The following TSHZ2 variants were observed in gnomAD, a reference collection of about 807,000 sequenced individuals.
TSHZ2 encodes teashirt zinc finger homeobox 2, also known as teashirt homolog 2.
TSHZ2 carries 21 observed loss-of-function variants against 74.4 expected under a neutral mutation model. The ratio of observed to expected loss-of-function variants is 0.28; its 90% CI spans 0.20 to 0.41. The LOEUF is 0.41. Among genes scored for constraint, TSHZ2 ranks in the 10% least tolerant of loss-of-function variants. TSHZ2 has a pLI of 1.00. For synonymous variants in TSHZ2, 540 were observed against 515.3 expected (o/e 1.05, Z -0.65); for missense variants, 1,244 against 1,293.5 (o/e 0.96, Z 0.59).
At chr20:53,049,323 C>A (rs538814123) in intron 1 of TSHZ2, among the ~76,000 whole-genome samples, 2,041 of 152,098 alleles carry the variant, frequency 0.013, 50 homozygotes, top group African/African-American at 0.041. Flanking sequence ...CTGACTGGGC[C>A]CCCAGCTCCT....
intron 1 of TSHZ2, among the ~76,000 whole-genome samples, chr20:53,097,151 AG>A (rs1986079266): frequency 6.6e-6 from 1 of 152,088 alleles, no homozygotes; most frequent in South Asian, 2.1e-4. Flanking sequence ...CCCTGGGACA[AG>A]GAGGGGGATG....
intron 1 of TSHZ2, among the ~76,000 whole-genome samples, chr20:53,027,155 T>C (rs189040420): frequency 2.6e-5 from 4 of 152,298 alleles, no homozygotes; most frequent in African/African-American, 7.2e-5. Flanking sequence ...CATCTATGAT[T>C]ATTTTCTTGG....
At chr20:53,226,536 T>C (rs1316885240) in intron 1 of TSHZ2, among the ~76,000 whole-genome samples, 1 of 152,110 alleles carries the variant, frequency 6.6e-6, no homozygotes, top group Non-Finnish European at 1.5e-5. Flanking sequence ...CTTAGCATTG[T>C]GAGTTTCACT....
chr20:53,447,497 A>T (rs1984599371), intron 2 of TSHZ2, among the ~76,000 whole-genome samples: 1 of 152,234 alleles, frequency 6.6e-6, no homozygotes, highest in Non-Finnish European at 1.5e-5. Flanking sequence ...CACAAGCAGG[A>T]AATTAACACT....
At chr20:53,304,048 T>G (rs1239063603) in intron 2 of TSHZ2, among the ~76,000 whole-genome samples, 2 of 151,962 alleles carry the variant, frequency 1.3e-5, no homozygotes, top group Non-Finnish European at 2.9e-5. Context: ...TTATTATTAT[T>G]ATTATTATAC....
intron 2 of TSHZ2, among the ~76,000 whole-genome samples, chr20:53,319,293 AT>A (rs1243868697): frequency 6.6e-6 from 1 of 152,222 alleles, no homozygotes; most frequent in Non-Finnish European, 1.5e-5. Flanking sequence ...AATGCAATAA[AT>A]ATTAGTGCTT....
chr20:53,039,249 A>G (rs931486914), intron 1 of TSHZ2, among the ~76,000 whole-genome samples: 1 of 151,646 alleles, frequency 6.6e-6, no homozygotes, highest in Non-Finnish European at 1.5e-5. Context: ...TTTGGAACCT[A>G]CCCCGATCAT....
At chr20:53,257,836 T>G (rs150427451) in intron 2 of TSHZ2, among the ~76,000 whole-genome samples, 1 of 152,216 alleles carries the variant, frequency 6.6e-6, no homozygotes, top group African/African-American at 2.4e-5. Context: ...GAAAAACTAA[T>G]AACATATAAT....
chr20:53,412,093 T>C (rs892543188), intron 2 of TSHZ2, among the ~76,000 whole-genome samples: 10 of 152,204 alleles, frequency 6.6e-5, no homozygotes, highest in Non-Finnish European at 1.3e-4. Flanking sequence ...ACTTTTCTGC[T>C]CACTCTTAGC....
At chr20:53,359,652 G>A (rs1293574123) in intron 2 of TSHZ2, among the ~76,000 whole-genome samples, 2 of 152,132 alleles carry the variant, frequency 1.3e-5, no homozygotes, top group African/African-American at 2.4e-5. Flanking sequence ...TCTGAGCAGC[G>A]GGGCCAGCAA....
chr20:53,255,812 C>T lies in TSHZ2; in HGVS notation c.2354C>T (p.Ser785Phe), dbSNP rs779866776. The T allele has an allele frequency of 6.2e-7, 1 of 1,613,602 alleles. No homozygotes were observed. The highest frequency in any genetic ancestry group is 8.5e-7 in the Non-Finnish European group (1 of 1,179,736). Residue 785 changes from serine (S) to phenylalanine (F), a missense_variant, in exon 2 of 3, where the codon TCC (serine) becomes TTC (phenylalanine). By Grantham distance (155) the Ser-to-Phe change is radical. Coordinates refer to ENST00000371497, the MANE Select transcript of TSHZ2 (RefSeq NM_173485.6). The surrounding 1 kb of genome is among the most constrained non-coding windows in gnomAD (Gnocchi z 4.1). Reference protein sequence around the residue: ...AESSQAQSCMSPPQKHALSDI... With the variant: ...AESSQAQSCMFPPQKHALSDI... ...TCCTCGCAAGCACAATCTTGTATGTCCCCACCTCAGAAGCACGCTCTGTCT... is the reference window on the plus strand; with the variant it reads ...TCCTCGCAAGCACAATCTTGTATGTTCCCACCTCAGAAGCACGCTCTGTCT...
Position 53,256,139 on chromosome 20 carries a change from C to A in TSHZ2, c.2681C>A (p.Thr894Asn), listed in dbSNP as rs751990819. The A allele has an allele frequency of 6.2e-7, 1 of 1,613,890 alleles. No homozygotes were observed. The highest frequency in any genetic ancestry group is 1.1e-5 in the South Asian group (1 of 91,036). ...TCTAAGTTTACGGGACTCTCAATGA[C>A]CACTATCAGTCACTGGCTGGCCAAC... ...QISKFTGLSM[T>N]TISHWLANVK... Residue 894 changes from threonine to asparagine, a missense_variant, in exon 2 of 3, where the codon ACC becomes AAC. Around this residue, in one of 6 missense-constraint regions of TSHZ2, gnomAD observed 185 missense variants for 213.3 expected, o/e 0.87. Transcript: ENST00000371497. The surrounding 1 kb of genome is among the most constrained non-coding windows in gnomAD (Gnocchi z 4.3).
At chr20:53,233,874 G>C (rs984770671) in intron 1 of TSHZ2, among the ~76,000 whole-genome samples, 1 of 152,102 alleles carries the variant, frequency 6.6e-6, no homozygotes, top group African/African-American at 2.4e-5. Context: ...GACATGGAAG[G>C]GTGCAATAAA....
chr20:53,204,283 C>CATTATGATATGATACTATATCATCAT (rs1989097674), intron 1 of TSHZ2, among the ~76,000 whole-genome samples: 7 of 56,728 alleles, frequency 1.2e-4, no homozygotes, highest in African/African-American at 3.5e-4. Flanking sequence ...CATCATATAA[C>CATTATGATATGATACTATATCATCAT]ATGATGATAT....
chr20:53,205,303 T>G (rs907181915), intron 1 of TSHZ2, among the ~76,000 whole-genome samples: 4 of 152,298 alleles, frequency 2.6e-5, no homozygotes, highest in Admixed American at 6.5e-5. Context: ...AGCATGCATT[T>G]CAGCCCAGAA....
At chr20:53,295,612 T>C (rs1991361709) in intron 2 of TSHZ2, among the ~76,000 whole-genome samples, 1 of 152,210 alleles carries the variant, frequency 6.6e-6, no homozygotes, top group African/African-American at 2.4e-5. Flanking sequence ...GAGGAAACTT[T>C]AATCACTAGA....
In TSHZ2 at chr20:53,475,698, C is replaced by T. The variant is rs1453569989; in HGVS notation, c.*9-11446C>T. Among the ~76,000 whole-genome samples the T allele has an allele frequency of 9.4e-5, 13 of 138,540 alleles. 1 individual carries two copies. The Admixed American group carries it at 9.4e-4, about 10-fold the overall frequency. The allele number at this position is 138,540 out of a possible 152,430, so 90.9% of individuals were successfully genotyped here. A position where few individuals can be genotyped will look rare whatever the true frequency, so the allele number is the denominator to read the frequency against. On this transcript the variant is annotated intron_variant, in intron 2 of 2. Transcript: ENST00000371497. ...GGAAATAGAGACACAAAAAACCCTT[C>T]AAAAAATTAATGAATCCAGGAGCTG...
rs187417096 is a variant in TSHZ2 at position 53,049,949 on chromosome 20, G to A, written c.40+76616G>A. 1.5e-3 allele frequency among the ~76,000 whole-genome samples: 228 copies of A among 151,564 alleles called. 1 individual carries two copies. Among genetic ancestry groups the A allele is most frequent in the African/African-American group, 5.2e-3 (216 of 41,210 alleles). ...ATACAAAAATTGGCCTGGCTTGGTG[G>A]TGCATGCCTGTAATCCCAGCTACTC... is the stretch of plus-strand genomic sequence containing the variant. On this transcript the variant is annotated intron_variant, in intron 1 of 2. Transcript: ENST00000371497.
At chr20:53,239,751 AATT>A (rs1600761022) in intron 1 of TSHZ2, among the ~76,000 whole-genome samples, 1 of 152,200 alleles carries the variant, frequency 6.6e-6, no homozygotes, top group East Asian at 1.9e-4. Flanking sequence ...TCAAACAAAA[AATT>A]ATAATATTTT....
Sources: allele counts gnomAD v4.1 joint callset (sites outside exome capture counted in the v4.1 genomes callset), GRCh38; gene constraint gnomAD v4.1.1; regional missense constraint gnomAD v4.1.1; non-coding constraint Gnocchi (gnomAD v3.1); transcripts MANE v1.5; gene names NCBI Gene and HGNC (gene_info 2026-07-23, HGNC 2026-07-21).